The following CTNNA3 variants were observed in gnomAD, a reference collection of about 807,000 sequenced individuals.
The protein encoded by CTNNA3 is catenin alpha-3.
CTNNA3 carries 76 observed loss-of-function variants against 95.7 expected under a neutral mutation model. The observed-to-expected ratio is 0.79, with a 90% CI of 0.66 to 0.96. The LOEUF (loss-of-function observed/expected upper bound fraction) is 0.96, where lower values mean the gene tolerates loss of function less well. Among genes scored for constraint, CTNNA3 ranks in the 40% least tolerant of loss-of-function variants. The probability of loss-of-function intolerance (pLI) is 0.00; values close to 1 mark genes in which losing one functional copy is unlikely to be tolerated. For missense variants in CTNNA3, 1,191 were observed against 1,089.8 expected (o/e 1.09, Z -1.31); for synonymous variants, 431 against 374.4 (o/e 1.15, Z -1.74).
At chr10:66,428,988 A>C (rs1287022802) in intron 11 of CTNNA3, among the ~76,000 whole-genome samples, 3 of 151,606 alleles carry the variant, frequency 2.0e-5, no homozygotes, top group Non-Finnish European at 4.4e-5. Flanking sequence ...AAAGATCAAA[A>C]AAATTGATAG....
chr10:67,642,270 T>G (rs1280933095), intron 2 of CTNNA3, among the ~76,000 whole-genome samples: 1 of 151,542 alleles, frequency 6.6e-6, no homozygotes, highest in Non-Finnish European at 1.5e-5. Flanking sequence ...TGGGAGAAAA[T>G]TTTTGCAATC....
chr10:67,397,144 G>A lies in CTNNA3; in HGVS notation c.579+124698C>T, dbSNP rs185755085. Among the ~76,000 whole-genome samples the A allele has an allele frequency of 1.4e-4, 21 of 152,226 alleles. No homozygotes were observed. In the East Asian group the frequency reaches 4.1e-3, roughly 29 times the overall value. Reference sequence around the variant, plus strand: ...TGGAACTGGGTCACAAGCAGAGGTTGGAACAGTTTAGAGGGCTCAGAAGAA... The same window carrying A: ...TGGAACTGGGTCACAAGCAGAGGTTAGAACAGTTTAGAGGGCTCAGAAGAA... On this transcript the variant is annotated intron_variant, in intron 5 of 17. Coordinates refer to ENST00000433211, the MANE Select transcript of CTNNA3 (RefSeq NM_013266.4).
At chr10:67,705,784 T>TAA (rs199581354) in intron 1 of CTNNA3, among the ~76,000 whole-genome samples, 20 of 136,476 alleles carry the variant, frequency 1.5e-4, no homozygotes, top group East Asian at 1.0e-3. Flanking sequence ...ATAATAATAA[T>TAA]AAAAAAAAAA....
intron 7 of CTNNA3, among the ~76,000 whole-genome samples, chr10:66,948,720 C>T (rs1003932327): frequency 6.6e-6 from 1 of 152,104 alleles, no homozygotes; most frequent in Non-Finnish European, 1.5e-5. Flanking sequence ...TGAAATTGAA[C>T]ATATTAAATG....
Position 65,916,953 on chromosome 10 carries a change from A to G in CTNNA3, c.*3377T>C, listed in dbSNP as rs2077015059. The G allele has an allele frequency of 6.6e-6, 1 of 152,148 alleles. No individual in the cohort carries two copies. Among genetic ancestry groups the G allele is most frequent in the Non-Finnish European group, 1.5e-5 (1 of 68,040 alleles). The allele number at this position is 152,148 out of a possible 1,614,324, so 9.4% of individuals were successfully genotyped here. A position where few individuals can be genotyped will look rare whatever the true frequency, so the allele number is the denominator to read the frequency against. ...TGAGGAGCATTAATTATTTGGTCTG[A>G]AGGCCCAAGTTGCGCACTTAATTGT... On this transcript the variant is annotated 3_prime_UTR_variant, in exon 18 of 18. Coordinates refer to ENST00000433211, the MANE Select transcript of CTNNA3 (RefSeq NM_013266.4).
At chr10:66,022,050 G>A (rs968520788) in intron 15 of CTNNA3, among the ~76,000 whole-genome samples, 1 of 151,584 alleles carries the variant, frequency 6.6e-6, no homozygotes, top group Non-Finnish European at 1.5e-5. Flanking sequence ...TAGAGGTGGG[G>A]TCTTGCTATG....
intron 7 of CTNNA3, among the ~76,000 whole-genome samples, chr10:66,902,814 C>A (rs563519920): frequency 6.6e-6 from 1 of 152,260 alleles, no homozygotes; most frequent in South Asian, 2.1e-4. Context: ...TACACCCTCC[C>A]AAGACTAAAC....
intron 5 of CTNNA3, among the ~76,000 whole-genome samples, chr10:67,514,581 C>T (rs1162998580): frequency 6.6e-6 from 1 of 151,954 alleles, no homozygotes; most frequent in Non-Finnish European, 1.5e-5. Context: ...CTCCTCAATA[C>T]CAACTTTTAT....
At chr10:66,260,945 C>T (rs1191100898) in intron 13 of CTNNA3, among the ~76,000 whole-genome samples, 1 of 152,038 alleles carries the variant, frequency 6.6e-6, no homozygotes, top group African/African-American at 2.4e-5. Context: ...GACAAAAGTA[C>T]CTGAGTCTTC....
intron 9 of CTNNA3, among the ~76,000 whole-genome samples, chr10:66,694,028 AC>A (rs1175070149): frequency 6.6e-6 from 1 of 152,038 alleles, no homozygotes; most frequent in Non-Finnish European, 1.5e-5. Context: ...CAAAATTGAC[AC>A]CCTAACACCA....
At position 66,659,295 on chromosome 10, in the gene CTNNA3, C is replaced by A. The variant is rs374118211; in HGVS notation, c.1282-37511G>T. ...AGCACTATAATAAGATAGAAACTGA[C>A]TAGGTATTTAGATGGAGAGAGAAGG... On this transcript the variant is annotated intron_variant, in intron 9 of 17. Transcript: ENST00000433211. Among the ~76,000 whole-genome samples, 70 of 151,706 alleles carry A rather than the reference C, an allele frequency of 4.6e-4. 1 individual carries two copies. In the East Asian group the frequency reaches 0.01, roughly 22 times the overall value.
At chr10:67,612,132 C>T (rs1843479697) in intron 2 of CTNNA3, among the ~76,000 whole-genome samples, 1 of 152,052 alleles carries the variant, frequency 6.6e-6, no homozygotes, top group Admixed American at 6.5e-5. Flanking sequence ...CAAAAAATGC[C>T]TCTAGATAAC....
chr10:66,684,291 G>C (rs1027788058), intron 9 of CTNNA3, among the ~76,000 whole-genome samples: 15 of 152,086 alleles, frequency 9.9e-5, no homozygotes, highest in Non-Finnish European at 1.5e-4. Context: ...CTCCACAATA[G>C]AGAATTATCT....
chr10:66,081,432 CAA>C (rs1005680186), intron 14 of CTNNA3, among the ~76,000 whole-genome samples: 19 of 151,788 alleles, frequency 1.3e-4, no homozygotes, highest in African/African-American at 4.6e-4. Flanking sequence ...GCCAACATAG[CAA>C]GACCCCATCT....
intron 7 of CTNNA3, among the ~76,000 whole-genome samples, chr10:66,973,259 T>C (rs1292786045): frequency 6.6e-6 from 1 of 152,172 alleles, no homozygotes; most frequent in African/African-American, 2.4e-5. Context: ...GTAAAGACTA[T>C]AATGTATGAG....
intron 15 of CTNNA3, among the ~76,000 whole-genome samples, chr10:66,029,474 C>T (rs1304769077): frequency 6.6e-6 from 1 of 152,170 alleles, no homozygotes; most frequent in Non-Finnish European, 1.5e-5. Context: ...AACTCTATTT[C>T]TCTAGATATC....
chr10:67,064,586 A>G (rs1309786459), intron 7 of CTNNA3, among the ~76,000 whole-genome samples: 1 of 152,168 alleles, frequency 6.6e-6, no homozygotes, highest in African/African-American at 2.4e-5. Context: ...CCCCTTAGTC[A>G]TCATTTGTGT....
chr10:67,481,884 C>A (rs567679567), intron 5 of CTNNA3, among the ~76,000 whole-genome samples: 1 of 151,888 alleles, frequency 6.6e-6, no homozygotes, highest in African/African-American at 2.4e-5. Context: ...GGTTTTAGGT[C>A]TAATGTTTAA....
At chr10:66,444,116 T>A (rs2093398543) in intron 11 of CTNNA3, among the ~76,000 whole-genome samples, 1 of 151,736 alleles carries the variant, frequency 6.6e-6, no homozygotes, top group Admixed American at 6.6e-5. Flanking sequence ...AGAAGGGAAG[T>A]TTAGAGAAAA....
Sources: allele counts gnomAD v4.1 joint callset (sites outside exome capture counted in the v4.1 genomes callset), GRCh38; gene constraint gnomAD v4.1.1; transcripts MANE v1.5; gene names NCBI Gene and HGNC (gene_info 2026-07-23, HGNC 2026-07-21).